Variants in SDK2 observed in about 807,000 individuals in gnomAD.
SDK2 encodes sidekick cell adhesion molecule 2.
Under a neutral mutation model 253.9 loss-of-function variants are expected in SDK2, and 105 were observed. That is an observed-to-expected ratio of 0.41 (90% confidence interval 0.35 to 0.49). The LOEUF (loss-of-function observed/expected upper bound fraction) is 0.49, where lower values mean the gene tolerates loss of function less well. Ranked by LOEUF, SDK2 falls within the 20% of genes least tolerant of loss-of-function variation. The probability of loss-of-function intolerance (pLI) is 0.06; values close to 1 mark genes in which losing one functional copy is unlikely to be tolerated. For synonymous variants in SDK2, 1,249 were observed against 1,234.9 expected (o/e 1.01, Z -0.24); for missense variants, 2,608 against 3,003.0 (o/e 0.87, Z 3.07).
At chr17:73,538,162 C>G (rs2044810363) in intron 1 of SDK2, among the ~76,000 whole-genome samples, 1 of 152,208 alleles carries the variant, frequency 6.6e-6, no homozygotes, top group South Asian at 2.1e-4. Flanking sequence ...ATAGCACAGA[C>G]TCAGAAGCCA....
At chr17:73,621,934 T>C (rs2046138119) in intron 1 of SDK2, among the ~76,000 whole-genome samples, 1 of 152,190 alleles carries the variant, frequency 6.6e-6, no homozygotes, top group South Asian at 2.1e-4. Context: ...AGATGGTCAG[T>C]GAACTCTAAG....
intron 2 of SDK2, among the ~76,000 whole-genome samples, chr17:73,486,117 G>C (rs1202073006): frequency 6.6e-6 from 1 of 152,146 alleles, no homozygotes; most frequent in African/African-American, 2.4e-5. Context: ...TCTGGGGTAG[G>C]CGGCAGTTTC....
chr17:73,430,559 T>G lies in SDK2; in HGVS notation c.1535A>C (p.Gln512Pro). The change falls in exon 12 of 45, where the codon CAG becomes CCG. Residue 512 changes from glutamine to proline, a missense_variant. By Grantham distance (76) the Gln-to-Pro change is moderately conservative (BLOSUM62 -1). Transcript: ENST00000392650. Reference sequence around the variant, plus strand: ...GGTCACTCCGCACACCATGGAGGCCTGGGTGCCCTTGATGACACTCTGATC... The same window carrying G: ...GGTCACTCCGCACACCATGGAGGCCGGGGTGCCCTTGATGACACTCTGATC... ...PQDQSVIKGT[Q>P]ASMVCGVTHD... 1.2e-6 allele frequency: 2 copies of G among 1,602,696 alleles called. No individual in the cohort carries two copies. The highest frequency in any genetic ancestry group is 1.7e-6 in the Non-Finnish European group (2 of 1,174,346).
At chr17:73,420,158 G>A (rs896380925) in intron 15 of SDK2, among the ~76,000 whole-genome samples, 2 of 152,220 alleles carry the variant, frequency 1.3e-5, no homozygotes, top group East Asian at 1.9e-4. Flanking sequence ...GGAGCCAAGC[G>A]CGACAGCACG....
chr17:73,548,697 A>AT (rs1194713834), intron 1 of SDK2, among the ~76,000 whole-genome samples: 1 of 151,308 alleles, frequency 6.6e-6, no homozygotes, highest in Non-Finnish European at 1.5e-5. Context: ...TGGGGAGGAA[A>AT]TGACCTTGGG....
chr17:73,637,156 A>C (rs1260198261), intron 1 of SDK2, among the ~76,000 whole-genome samples: 1 of 152,174 alleles, frequency 6.6e-6, no homozygotes, highest in Admixed American at 6.5e-5. Flanking sequence ...AGGAATGTGC[A>C]AGGTAAAAAT....
intron 1 of SDK2, among the ~76,000 whole-genome samples, chr17:73,530,373 A>C (rs2064159877): frequency 6.6e-6 from 1 of 152,118 alleles, no homozygotes; most frequent in Admixed American, 6.5e-5. Context: ...AAACACTTAT[A>C]AAATCATCCA....
At chr17:73,606,424 A>T (rs1420783416) in intron 1 of SDK2, among the ~76,000 whole-genome samples, 1 of 152,060 alleles carries the variant, frequency 6.6e-6, no homozygotes, top group Admixed American at 6.6e-5. Context: ...TGGTGAGTAA[A>T]TGCTGGAAGG....
chr17:73,538,900 C>T (rs2044822268), intron 1 of SDK2, among the ~76,000 whole-genome samples: 1 of 152,186 alleles, frequency 6.6e-6, no homozygotes, highest in Non-Finnish European at 1.5e-5. Context: ...ACTCCCTTGC[C>T]TTGGGCCTAG....
chr17:73,561,268 C>A (rs1681347426), intron 1 of SDK2, among the ~76,000 whole-genome samples: 1 of 152,184 alleles, frequency 6.6e-6, no homozygotes, highest in Non-Finnish European at 1.5e-5. Flanking sequence ...CCACCCACAC[C>A]ACCCACCCCA....
intron 1 of SDK2, among the ~76,000 whole-genome samples, chr17:73,603,570 T>C (rs1254786181): frequency 2.7e-4 from 41 of 152,204 alleles, no homozygotes; most frequent in Non-Finnish European, 5.9e-5. Flanking sequence ...CTTGGGTCCC[T>C]GTAGCTCCCA....
intron 44 of SDK2, among the ~76,000 whole-genome samples, chr17:73,342,787 C>T (rs2062450189): frequency 6.6e-6 from 1 of 152,154 alleles, no homozygotes. Context: ...CAGGCTCTCT[C>T]AGCCTCAGTG....
rs1055898766 is a variant in SDK2, at chr17:73,435,074, C to T, written c.1195+376G>A. The stretch of plus-strand genomic sequence containing the variant: ...AAACACCAGTTTTCTTCTTTGGAAA[C>T]ATGAGCAGGTCTTCTGGAATGGGGT... On this transcript the variant is annotated intron_variant, in intron 9 of 44. Transcript: ENST00000392650. The surrounding 1 kb of genome is among the most constrained non-coding windows in gnomAD (Gnocchi z 5.7). Among the ~76,000 whole-genome samples, 1 of 152,206 alleles carries T rather than the reference C, an allele frequency of 6.6e-6. No individual in the cohort carries two copies. The highest frequency in any genetic ancestry group is 1.5e-5 in the Non-Finnish European group (1 of 68,030).
chr17:73,468,644 T>A (rs1293071619), intron 3 of SDK2, among the ~76,000 whole-genome samples: 1 of 152,026 alleles, frequency 6.6e-6, no homozygotes, highest in Non-Finnish European at 1.5e-5. Context: ...CCCAATTAGC[T>A]GGGACTACAG....
intron 1 of SDK2, among the ~76,000 whole-genome samples, chr17:73,604,271 G>T (rs183470637): frequency 6.6e-6 from 1 of 152,248 alleles, no homozygotes; most frequent in South Asian, 2.1e-4. Context: ...TTCCGGGCAG[G>T]GTGGAAAAGG....
At position 73,336,129 on chromosome 17, in the gene SDK2, C is replaced by T. The variant is rs2062375721; in HGVS notation, c.*2458G>A. On this transcript the variant is annotated 3_prime_UTR_variant, in exon 45 of 45. Transcript: ENST00000392650. The stretch of plus-strand genomic sequence containing the variant: ...ATTCCCTAATGCAAACTGGGAACTT[C>T]CTTAAATGGTTAAATGCTCAGCAGA... 6.6e-6 allele frequency: 1 copy of T among 150,378 alleles called. No homozygotes were observed. Among genetic ancestry groups the T allele is most frequent in the Non-Finnish European group, 1.5e-5 (1 of 67,820 alleles). 9.3% of individuals were successfully genotyped at this position (150,378 alleles called of 1,614,324 possible).
intron 26 of SDK2, 83 bp downstream of exon 26, chr17:73,394,126 G>T: frequency 1.3e-6 from 1 of 794,636 alleles, no homozygotes; most frequent in East Asian, 2.9e-5. Context: ...GAGACCTAGA[G>T]GGTGATAAGG....
intron 2 of SDK2, among the ~76,000 whole-genome samples, chr17:73,472,540 C>T (rs2063659762): frequency 6.6e-6 from 1 of 152,158 alleles, no homozygotes; most frequent in East Asian, 1.9e-4. Flanking sequence ...AGCTATTCTC[C>T]CTGACCTGTG....
chr17:73,382,349 G>A (rs543233609), intron 33 of SDK2, among the ~76,000 whole-genome samples: 2 of 152,074 alleles, frequency 1.3e-5, no homozygotes, highest in Non-Finnish European at 2.9e-5. Flanking sequence ...CTTCTACTAC[G>A]AATCAGTCAT....
Sources: gnomAD v4.1 joint callset for allele counts (sites outside exome capture counted in the v4.1 genomes callset) on GRCh38, gnomAD v4.1.1 for gene constraint, Gnocchi (gnomAD v3.1) non-coding constraint, MANE v1.5 for transcripts, NCBI Gene and HGNC (gene_info 2026-07-23, HGNC 2026-07-21) for gene names.